Variants in FRK observed in about 807,000 individuals in gnomAD.
FRK encodes the protein tyrosine-protein kinase FRK.
In FRK, 51 loss-of-function variants were observed where a neutral mutation model predicts 56.4. The ratio of observed to expected loss-of-function variants is 0.90; its 90% CI spans 0.72 to 1.14. The LOEUF (loss-of-function observed/expected upper bound fraction) is 1.14, where lower values mean the gene tolerates loss of function less well. Ranked by LOEUF, FRK falls within the 50% of genes most tolerant of loss-of-function variation. The pLI, the probability that FRK is intolerant of heterozygous loss-of-function variation, is 0.00. For synonymous variants in FRK, 245 were observed against 217.9 expected (o/e 1.12, Z -1.10); for missense variants, 570 against 601.4 (o/e 0.95, Z 0.55).
At chr6:115,943,821 T>C (rs1772305382) in intron 6 of FRK, among the ~76,000 whole-genome samples, 1 of 151,994 alleles carries the variant, frequency 6.6e-6, no homozygotes, top group Non-Finnish European at 1.5e-5. Context: ...CAGACTGAGG[T>C]AAAAATGGGG....
rs761649600 is a variant in FRK at position 116,060,036 on chromosome 6, G to A, written c.276C>T (p.Ser92=). 11 of 1,614,148 alleles carry A rather than the reference G, an allele frequency of 6.8e-6. No homozygotes were observed. Among genetic ancestry groups the A allele is most frequent in the South Asian group, 2.2e-5 (2 of 91,076 alleles). The change falls in exon 1 of 8, where the codon TCC becomes TCT. Residue 92 remains serine, a synonymous_variant. Transcript: ENST00000606080. The part of the protein sequence containing the change: ...ARHLEKRRDG[S]SQQLQGYIPS... ...GAATATAGCCTTGTAGTTGCTGACT[G>A]GAGCCATCTCGTCTTTTCTCCAAGT... is the stretch of plus-strand genomic sequence containing the variant.
the FRK span, among the ~76,000 whole-genome samples, chr6:116,084,313 G>C: frequency 6.6e-6 from 1 of 152,126 alleles, no homozygotes; most frequent in Non-Finnish European, 1.5e-5. Flanking sequence ...GTTTAAAATA[G>C]TATTTATTAT....
the FRK span, among the ~76,000 whole-genome samples, chr6:116,066,332 T>A: frequency 6.6e-6 from 1 of 152,138 alleles, no homozygotes; most frequent in Non-Finnish European, 1.5e-5. Context: ...GTTTTGAGAC[T>A]CGGACTGGCT....
the FRK span, among the ~76,000 whole-genome samples, chr6:116,083,570 T>G: frequency 5.3e-5 from 8 of 152,206 alleles, no homozygotes; most frequent in Non-Finnish European, 1.5e-5. Flanking sequence ...AATTCTAATA[T>G]ACATTGGAAT....
chr6:116,062,237 G>C (rs1264896240), upstream of FRK, among the ~76,000 whole-genome samples: 1 of 152,012 alleles, frequency 6.6e-6, no homozygotes, highest in Non-Finnish European at 1.5e-5. Flanking sequence ...CCAAATTTTT[G>C]TTGTTGCTGT....
At chr6:115,961,403 C>A (rs1317062215) in intron 4 of FRK, among the ~76,000 whole-genome samples, 10 of 121,944 alleles carry the variant, frequency 8.2e-5, no homozygotes, top group African/African-American at 3.1e-4. Flanking sequence ...TGTGAAAAGA[C>A]CAAATCTACG....
In FRK at chr6:115,938,180, A is replaced by T. The variant is rs1772085567; in HGVS notation, c.*4234T>A. 1.3e-5 allele frequency: 2 copies of T among 152,282 alleles called. No homozygotes were observed. The highest frequency in any genetic ancestry group is 4.2e-4 in the South Asian group (2 of 4,816). The allele number at this position is 152,282 out of a possible 1,614,324, so 9.4% of individuals were successfully genotyped here. A position where few individuals can be genotyped will look rare whatever the true frequency, so the allele number is the denominator to read the frequency against. On this transcript the variant is annotated 3_prime_UTR_variant, in exon 8 of 8. Transcript: ENST00000606080. Reference sequence around the variant, plus strand: ...AACTCAGGATTAAAACTGACAGAAAACCTAACAACTACTTGGAAACTGAAC... The same window carrying T: ...AACTCAGGATTAAAACTGACAGAAATCCTAACAACTACTTGGAAACTGAAC...
chr6:116,044,158 A>G (rs542435196), intron 1 of FRK, among the ~76,000 whole-genome samples: 1 of 152,366 alleles, frequency 6.6e-6, no homozygotes, highest in South Asian at 2.1e-4. Flanking sequence ...CCAGAGGTAC[A>G]AAGAGAAGCT....
chr6:116,075,735 T>C, the FRK span, among the ~76,000 whole-genome samples: 1 of 152,110 alleles, frequency 6.6e-6, no homozygotes, highest in African/African-American at 2.4e-5. Flanking sequence ...CAGGATGATA[T>C]TACGGTCCTT....
At chr6:115,984,691 A>G (rs1053810955) in intron 2 of FRK, among the ~76,000 whole-genome samples, 7 of 151,322 alleles carry the variant, frequency 4.6e-5, no homozygotes, top group African/African-American at 1.5e-4. Context: ...TTTTCCTGAA[A>G]TCTCAGTTGA....
the FRK span, among the ~76,000 whole-genome samples, chr6:116,089,505 T>C: frequency 6.6e-6 from 1 of 152,300 alleles, no homozygotes; most frequent in East Asian, 1.9e-4. Flanking sequence ...TTTCTTACAG[T>C]TCTGGAGGCT....
At chr6:116,018,772 T>C (rs1037960978) in intron 1 of FRK, among the ~76,000 whole-genome samples, 2 of 152,206 alleles carry the variant, frequency 1.3e-5, no homozygotes, top group Admixed American at 6.5e-5. Context: ...ATTTCCACCA[T>C]GCTCTTTGCC....
At chr6:115,983,507 TC>T (rs1774283791) in intron 2 of FRK, among the ~76,000 whole-genome samples, 1 of 152,184 alleles carries the variant, frequency 6.6e-6, no homozygotes. Context: ...AGTATTTTTC[TC>T]CATCTAATAC....
the FRK span, among the ~76,000 whole-genome samples, chr6:116,070,573 A>C: frequency 6.6e-6 from 1 of 152,202 alleles, no homozygotes; most frequent in African/African-American, 2.4e-5. Context: ...GCTTTTGCAA[A>C]ATCTCAATAG....
the FRK span, among the ~76,000 whole-genome samples, chr6:116,071,748 G>A: frequency 1.5e-4 from 23 of 152,280 alleles, no homozygotes; most frequent in African/African-American, 5.5e-4. Context: ...GAGCTCCTGT[G>A]TGTCAGGCAC....
intron 4 of FRK, among the ~76,000 whole-genome samples, chr6:115,966,024 C>T (rs1296460248): frequency 1.1e-5 from 1 of 89,938 alleles, no homozygotes; most frequent in Non-Finnish European, 2.1e-5. Context: ...ACAATGTGCA[C>T]ATGTACCCTA....
At chr6:116,085,449 A>C in the FRK span, among the ~76,000 whole-genome samples, 1 of 152,214 alleles carries the variant, frequency 6.6e-6, no homozygotes, top group East Asian at 1.9e-4. Context: ...TTATGCATAA[A>C]TGACTTAGTC....
At chr6:115,987,575 T>C (rs956720385) in intron 2 of FRK, among the ~76,000 whole-genome samples, 1 of 152,152 alleles carries the variant, frequency 6.6e-6, no homozygotes. Context: ...CATTTGCTTA[T>C]CTTATAAAAA....
chr6:115,960,486 C>G (rs928286697), intron 4 of FRK, among the ~76,000 whole-genome samples: 1 of 150,232 alleles, frequency 6.7e-6, no homozygotes, highest in Non-Finnish European at 1.5e-5. Context: ...CCGCCATTGC[C>G]CAGGCTTGCT....
Sources: gnomAD v4.1 joint callset for allele counts (sites outside exome capture counted in the v4.1 genomes callset) on GRCh38, gnomAD v4.1.1 for gene constraint, MANE v1.5 for transcripts, NCBI Gene and HGNC (gene_info 2026-07-23, HGNC 2026-07-21) for gene names.